The following MRPS5 variants were observed in gnomAD, a reference collection of about 807,000 sequenced individuals.
MRPS5 encodes the protein small ribosomal subunit protein uS5m.
A neutral mutation model predicts 51.9 loss-of-function variants in MRPS5; 27 were observed. The ratio of observed to expected loss-of-function variants is 0.52; its 90% confidence interval spans 0.38 to 0.72. The LOEUF is 0.72. MRPS5 is among the 30% of genes least tolerant of loss of function. The pLI, the probability that MRPS5 is intolerant of heterozygous loss-of-function variation, is 0.00. For missense variants in MRPS5, 570 were observed against 545.7 expected (o/e 1.04, Z -0.44); for synonymous variants, 196 against 193.2 (o/e 1.01, Z -0.12).
chr2:95,102,580 T>C (rs1244659111), intron 7 of MRPS5, among the ~76,000 whole-genome samples: 1 of 152,090 alleles, frequency 6.6e-6, no homozygotes, highest in African/African-American at 2.4e-5. Flanking sequence ...CAGGATCACT[T>C]GAGCTCAGAG....
In MRPS5 at chr2:95,115,080, C is replaced by A; in HGVS notation, c.263G>T (p.Ser88Ile). The change falls in exon 3 of 12, where the codon AGT becomes ATT. Residue 88 changes from serine (S) to isoleucine (I), a missense_variant. By Grantham distance (142) the Ser-to-Ile change is moderately radical. Coordinates refer to ENST00000272418, the MANE Select transcript of MRPS5 (RefSeq NM_031902.5). ...HLMSQQYRPY[S>I]FFTKLTADEL... ...ATTCTACATACATTTAGTGAAGAAACTATATGGTCTATACTGCTGGCTCAT... is the reference window on the plus strand; with the variant it reads ...ATTCTACATACATTTAGTGAAGAAAATATATGGTCTATACTGCTGGCTCAT... 6.4e-7 allele frequency: 1 copy of A among 1,573,924 alleles called. No individual in the cohort carries two copies.
chr2:95,089,380 C>G (rs1176926941), intron 11 of MRPS5, among the ~76,000 whole-genome samples: 1 of 152,196 alleles, frequency 6.6e-6, no homozygotes, highest in Non-Finnish European at 1.5e-5. Flanking sequence ...CCTCAGCTAA[C>G]AGAGTTCAGC....
At chr2:95,108,142 T>C (rs1322242675) in intron 5 of MRPS5, 33 bp downstream of exon 5, 9 of 1,584,914 alleles carry the variant, frequency 5.7e-6, no homozygotes, top group Non-Finnish European at 6.9e-6. Flanking sequence ...GTACTCTCTG[T>C]CACAAAGGCA....
chr2:95,096,373 A>C (rs1423052391), intron 10 of MRPS5, among the ~76,000 whole-genome samples: 1 of 152,212 alleles, frequency 6.6e-6, no homozygotes, highest in African/African-American at 2.4e-5. Context: ...CCTGGCAGAG[A>C]CACAACCAAA....
chr2:95,102,924 C>T (rs576252319), intron 7 of MRPS5, among the ~76,000 whole-genome samples: 8 of 152,224 alleles, frequency 5.3e-5, no homozygotes, highest in African/African-American at 1.9e-4. Context: ...TAACATAAAA[C>T]AATACTGCTC....
Position 95,085,955 on chromosome 2 carries a change from C to T in MRPS5, c.*1402G>A, listed in dbSNP as rs190868701. Among the ~76,000 whole-genome samples, 2 of 151,548 alleles carry T rather than the reference C, an allele frequency of 1.3e-5. No individual in the cohort carries two copies. Among genetic ancestry groups the T allele is most frequent in the African/African-American group, 4.9e-5 (2 of 41,220 alleles). On this transcript the variant is annotated 3_prime_UTR_variant, in exon 12 of 12. Transcript: ENST00000272418. Reference sequence around the variant, plus strand: ...TTGGAGACAAGGTCTCACTCTGCCACCCAGGCTGGAGTGGCATGAACAAGG... The same window carrying T: ...TTGGAGACAAGGTCTCACTCTGCCATCCAGGCTGGAGTGGCATGAACAAGG...
chr2:95,114,422 C>T (rs1452652711), intron 3 of MRPS5, among the ~76,000 whole-genome samples: 1 of 151,740 alleles, frequency 6.6e-6, no homozygotes, highest in East Asian at 2.0e-4. Context: ...CGCCCGCCAC[C>T]ATGCCTGGCT....
intron 3 of MRPS5, among the ~76,000 whole-genome samples, chr2:95,114,512 C>T (rs938629027): frequency 5.3e-5 from 8 of 152,048 alleles, no homozygotes; most frequent in Non-Finnish European, 8.8e-5. Context: ...ACCTTGTGAT[C>T]GACCCGTCTC....
Position 95,104,735 on chromosome 2 carries a change from A to G in MRPS5, c.673-5T>C. 1 of 1,613,450 alleles carries G rather than the reference A, an allele frequency of 6.2e-7. No homozygotes were observed. The highest frequency in any genetic ancestry group is 8.5e-7 in the Non-Finnish European group (1 of 1,179,498). On this transcript the variant is annotated splice_region_variant and splice_polypyrimidine_tract_variant and intron_variant, in intron 6 of 11. Transcript: ENST00000272418. ...CATAGTGAAAACGTTTCTTACCTAA[A>G]AGGCAAAATGTCTCATAAATATTGC... is the stretch of plus-strand genomic sequence containing the variant.
At chr2:95,109,841 A>G in intron 4 of MRPS5, 75 bp downstream of exon 4, 1 of 1,513,124 alleles carries the variant, frequency 6.6e-7, no homozygotes, top group Non-Finnish European at 8.9e-7. Flanking sequence ...TGATGCTTCT[A>G]GTTTGTAAAA....
At chr2:95,105,742 T>TG (rs1171666230) in intron 6 of MRPS5, among the ~76,000 whole-genome samples, 1 of 152,180 alleles carries the variant, frequency 6.6e-6, no homozygotes, top group African/African-American at 2.4e-5. Context: ...CTAAAAGCTG[T>TG]AAGTGGGAAT....
At chr2:95,088,528 T>C (rs1310935635) in intron 11 of MRPS5, among the ~76,000 whole-genome samples, 1 of 152,234 alleles carries the variant, frequency 6.6e-6, no homozygotes, top group Non-Finnish European at 1.5e-5. Context: ...ATTCTAATTA[T>C]ATATCTAATG....
intron 1 of MRPS5, among the ~76,000 whole-genome samples, chr2:95,119,917 G>A (rs1313984448): frequency 6.6e-6 from 1 of 152,108 alleles, no homozygotes; most frequent in Non-Finnish European, 1.5e-5. Context: ...AGAAAAACTA[G>A]CCGGGCATGG....
chr2:95,117,252 A>G (rs1294624330), intron 2 of MRPS5, among the ~76,000 whole-genome samples: 1 of 151,974 alleles, frequency 6.6e-6, no homozygotes, highest in Non-Finnish European at 1.5e-5. Flanking sequence ...AATCTCCTCT[A>G]TTAAATCAAA....
At chr2:95,104,231 G>GTT (rs962076659) in intron 7 of MRPS5, 12 of 161,332 alleles carry the variant, frequency 7.4e-5, no homozygotes, top group East Asian at 1.7e-4. Flanking sequence ...ACGTTTTTGT[G>GTT]TTTTTTTTTT....
chr2:95,121,840 A>G (rs944345914), upstream of MRPS5: 12 of 1,493,072 alleles, frequency 8.0e-6, no homozygotes, highest in Admixed American at 1.7e-4. Flanking sequence ...AGCCTTGCCC[A>G]CCGCCTACCG....
chr2:95,115,074 A>C lies in MRPS5; in HGVS notation c.269T>G (p.Phe90Cys). 1 of 1,557,418 alleles carries C rather than the reference A, an allele frequency of 6.4e-7. No homozygotes were observed. The highest frequency in any genetic ancestry group is 8.6e-7 in the Non-Finnish European group (1 of 1,156,426). Reference sequence around the variant, plus strand: ...GTGGCCATTCTACATACATTTAGTGAAGAAACTATATGGTCTATACTGCTG... The same window carrying C: ...GTGGCCATTCTACATACATTTAGTGCAGAAACTATATGGTCTATACTGCTG... ...MSQQYRPYSF[F>C]TKLTADELWK... is the part of the protein sequence containing the mutation. Residue 90 changes from phenylalanine (F) to cysteine (C), a missense_variant, in exon 3 of 12, where the codon TTC becomes TGC. By Grantham distance (205) the Phe-to-Cys change is radical. Transcript: ENST00000272418.
chr2:95,101,614 G>T, intron 8 of MRPS5, 63 bp downstream of exon 8: 1 of 1,299,294 alleles, frequency 7.7e-7, no homozygotes, highest in South Asian at 1.4e-5. Flanking sequence ...GGTTCCCACT[G>T]TGTCTGGCAT....
chr2:95,117,279 G>A (rs1034625299), intron 2 of MRPS5, among the ~76,000 whole-genome samples: 1 of 151,940 alleles, frequency 6.6e-6, no homozygotes, highest in Non-Finnish European at 1.5e-5. Flanking sequence ...GATCAGTGAT[G>A]TGTTTGAGAG....
Sources: allele counts gnomAD v4.1 joint callset (sites outside exome capture counted in the v4.1 genomes callset), GRCh38; gene constraint gnomAD v4.1.1; transcripts MANE v1.5; gene names NCBI Gene and HGNC (gene_info 2026-07-23, HGNC 2026-07-21).